The following HDAC4 variants were observed in gnomAD, a reference collection of about 807,000 sequenced individuals.
The protein encoded by HDAC4 is histone deacetylase A.
In HDAC4, 16 loss-of-function variants were observed where a neutral mutation model predicts 135.1. The observed-to-expected ratio is 0.12, with a 90% confidence interval of 0.08 to 0.18. The LOEUF (loss-of-function observed/expected upper bound fraction) is 0.18. Among genes scored for constraint, HDAC4 ranks in the 10% least tolerant of loss-of-function variants. The pLI, the probability that HDAC4 is intolerant of heterozygous loss-of-function variation, is 1.00. For missense variants in HDAC4, 1,143 were observed against 1,511.8 expected, an observed-to-expected ratio of 0.76 and a Z score of 4.05; for synonymous variants, 685 against 653.4, an observed-to-expected ratio of 1.05 and a Z score of -0.74.
chr2:239,214,536 C>T (rs747998017), intron 3 of HDAC4, among the ~76,000 whole-genome samples: 5 of 152,154 alleles, frequency 3.3e-5, no homozygotes, highest in Non-Finnish European at 5.9e-5. Flanking sequence ...GCTCCTTGGC[C>T]GAGATCAGAC....
intron 19 of HDAC4, among the ~76,000 whole-genome samples, 190 bp from the exon 20 acceptor site, chr2:239,084,432 C>T (rs2035663863): frequency 1.3e-5 from 2 of 151,116 alleles, no homozygotes; most frequent in Admixed American, 6.7e-5. Context: ...ACGTACACAC[C>T]CCACATGCAG....
intron 13 of HDAC4, among the ~76,000 whole-genome samples, chr2:239,113,104 G>T (rs549192570): frequency 2.0e-4 from 31 of 152,320 alleles, no homozygotes; most frequent in African/African-American, 6.3e-4. Flanking sequence ...CAAAAAATTA[G>T]CCAGGCGTGA....
At chr2:239,056,641 C>T (rs1275788487) in intron 24 of HDAC4, among the ~76,000 whole-genome samples, 6 of 152,232 alleles carry the variant, frequency 3.9e-5, no homozygotes, top group Admixed American at 2.6e-4. Context: ...AAATAATGCA[C>T]GTATCTACTC....
At chr2:239,096,009 G>A (rs766799340) in intron 16 of HDAC4, among the ~76,000 whole-genome samples, 23 of 152,130 alleles carry the variant, frequency 1.5e-4, no homozygotes, top group Non-Finnish European at 2.5e-4. Flanking sequence ...CCTCAGCTGG[G>A]CTGTACCCCC....
chr2:239,297,423 T>C (rs963564638), intron 2 of HDAC4, among the ~76,000 whole-genome samples: 11 of 152,214 alleles, frequency 7.2e-5, no homozygotes, highest in Admixed American at 2.0e-4. Flanking sequence ...GAGCTTTGCA[T>C]TGCCATTTAA....
At chr2:239,359,983 C>G (rs79233234) in intron 1 of HDAC4, among the ~76,000 whole-genome samples, 5,688 of 152,250 alleles carry the variant, frequency 0.037, 352 homozygotes, top group African/African-American at 0.13. Context: ...CAAGGTACAC[C>G]TGTTAGGAGT....
chr2:239,319,739 C>T (rs2053244096), intron 2 of HDAC4, among the ~76,000 whole-genome samples: 2 of 152,098 alleles, frequency 1.3e-5, no homozygotes, highest in Non-Finnish European at 2.9e-5. Flanking sequence ...CACCAGTCAC[C>T]GACAGCTACA....
At chr2:239,062,717 G>A (rs1355357402) in intron 24 of HDAC4, among the ~76,000 whole-genome samples, 1 of 152,222 alleles carries the variant, frequency 6.6e-6, no homozygotes, top group East Asian at 1.9e-4. Context: ...GACCTGTAAA[G>A]TGCTTTGGAC....
chr2:239,090,292 A>G (rs2036386937), intron 17 of HDAC4, among the ~76,000 whole-genome samples, 176 bp from the exon 18 acceptor site: 1 of 152,210 alleles, frequency 6.6e-6, no homozygotes, highest in Non-Finnish European at 1.5e-5. Context: ...ACATGCCAAA[A>G]AGTTTAAACA....
At chr2:239,284,124 C>T (rs911012427) in intron 2 of HDAC4, among the ~76,000 whole-genome samples, 2 of 152,224 alleles carry the variant, frequency 1.3e-5, no homozygotes, top group African/African-American at 4.8e-5. Context: ...ATGACACTCA[C>T]CTGCTGCCCA....
In HDAC4 at chr2:239,190,879, G is replaced by C. The variant is rs1220564429; in HGVS notation, c.95-802C>G. 5 of 439,820 alleles carry C rather than the reference G, an allele frequency of 1.1e-5. No individual in the cohort carries two copies. The Admixed American group carries it at 1.2e-4, about 11-fold the overall frequency. 27.2% of individuals were successfully genotyped at this position (439,820 alleles called of 1,614,324 possible). Reference sequence around the variant, plus strand: ...AGTGAGAAAAGTAACACAGGAAGAAGGGTAGGTTTAAATTACAGATATCAC... The same window carrying C: ...AGTGAGAAAAGTAACACAGGAAGAACGGTAGGTTTAAATTACAGATATCAC... On this transcript the variant is annotated intron_variant, in intron 3 of 26. Coordinates refer to ENST00000543185, the MANE Select transcript of HDAC4 (RefSeq NM_001378414.1).
intron 2 of HDAC4, among the ~76,000 whole-genome samples, chr2:239,238,640 C>A (rs988231043): frequency 6.6e-6 from 1 of 152,188 alleles, no homozygotes; most frequent in Non-Finnish European, 1.5e-5. Flanking sequence ...CACATGAAGC[C>A]CTTTCTTGAG....
chr2:239,101,519 C>T (rs889453869), intron 16 of HDAC4, among the ~76,000 whole-genome samples: 3 of 152,198 alleles, frequency 2.0e-5, no homozygotes, highest in African/African-American at 7.2e-5. Flanking sequence ...GGCCCACCCT[C>T]TCCTTGCCCC....
intron 3 of HDAC4, among the ~76,000 whole-genome samples, chr2:239,204,521 C>T (rs944203784): frequency 6.6e-6 from 1 of 152,228 alleles, no homozygotes; most frequent in East Asian, 1.9e-4. Context: ...ATTCGGATCA[C>T]GTCCAGTGAA....
At chr2:239,375,003 G>A (rs1694907251) in intron 1 of HDAC4, among the ~76,000 whole-genome samples, 1 of 152,292 alleles carries the variant, frequency 6.6e-6, no homozygotes, top group South Asian at 2.1e-4. Flanking sequence ...CGCTGCCAGG[G>A]CACCTGGACG....
At chr2:239,274,174 G>T (rs1336716998) in intron 2 of HDAC4, among the ~76,000 whole-genome samples, 2 of 152,216 alleles carry the variant, frequency 1.3e-5, no homozygotes, top group African/African-American at 4.8e-5. Context: ...AGCCAGTGAA[G>T]GTGCTAGATT....
intron 2 of HDAC4, among the ~76,000 whole-genome samples, chr2:239,250,544 A>G (rs932970344): frequency 1.3e-5 from 2 of 152,196 alleles, no homozygotes; most frequent in African/African-American, 2.4e-5. Flanking sequence ...GGGCAGACAC[A>G]GTGGGTACAA....
At chr2:239,163,608 G>A (rs1475564172) in intron 6 of HDAC4, among the ~76,000 whole-genome samples, 195 bp downstream of exon 6, 1 of 152,112 alleles carries the variant, frequency 6.6e-6, no homozygotes, top group East Asian at 1.9e-4. Flanking sequence ...GCCCCTCCGT[G>A]AGGACGGCTG....
chr2:239,391,318 G>A (rs1159938316), intron 1 of HDAC4, among the ~76,000 whole-genome samples: 9 of 152,212 alleles, frequency 5.9e-5, no homozygotes, highest in Non-Finnish European at 4.4e-5. Context: ...AGGCAGACGA[G>A]AGCTTGTTCT....
Sources: gnomAD v4.1 joint callset for allele counts (sites outside exome capture counted in the v4.1 genomes callset) on GRCh38, gnomAD v4.1.1 for gene constraint, MANE v1.5 for transcripts, NCBI Gene and HGNC (gene_info 2026-07-23, HGNC 2026-07-21) for gene names.